The following SLC25A21 variants were observed in gnomAD, a reference collection of about 807,000 sequenced individuals.
SLC25A21 encodes solute carrier family 25 member 21, also known as mitochondrial 2-oxodicarboxylate carrier.
SLC25A21 carries 47 observed loss-of-function variants against 43.8 expected under a neutral mutation model. The observed-to-expected ratio is 1.07, with a 90% CI of 0.85 to 1.37. SLC25A21 has a LOEUF of 1.37. Ranked by LOEUF, SLC25A21 falls within the 40% of genes most tolerant of loss-of-function variation. The pLI, the probability that SLC25A21 is intolerant of heterozygous loss-of-function variation, is 0.00. For missense variants in SLC25A21, 352 were observed against 350.2 expected, an observed-to-expected ratio of 1.00 and a Z score of -0.04; for synonymous variants, 131 against 121.3, an observed-to-expected ratio of 1.08 and a Z score of -0.52.
At chr14:36,885,246 C>A (rs1245863311) in intron 1 of SLC25A21, among the ~76,000 whole-genome samples, 4 of 152,144 alleles carry the variant, frequency 2.6e-5, no homozygotes, top group Admixed American at 2.6e-4. Flanking sequence ...ATGTTCCTGG[C>A]ACCTTTGTGG....
chr14:36,879,712 T>C (rs976469466), intron 1 of SLC25A21, among the ~76,000 whole-genome samples: 2 of 152,008 alleles, frequency 1.3e-5, no homozygotes, highest in Admixed American at 6.6e-5. Context: ...CCAGACTTCA[T>C]CTTTTCTGAG....
intron 3 of SLC25A21, among the ~76,000 whole-genome samples, chr14:36,775,200 T>C (rs1301046531): frequency 6.6e-6 from 1 of 152,188 alleles, no homozygotes; most frequent in Admixed American, 6.5e-5. Context: ...AAGAAGTATG[T>C]TCGCTTTACT....
At chr14:36,933,471 A>G (rs982684981) in intron 1 of SLC25A21, among the ~76,000 whole-genome samples, 1 of 151,754 alleles carries the variant, frequency 6.6e-6, no homozygotes, top group African/African-American at 2.4e-5. Context: ...TGAGAGGTCA[A>G]CTGTGATGAA....
At chr14:36,741,817 G>A (rs1040573873) in intron 3 of SLC25A21, among the ~76,000 whole-genome samples, 1 of 152,290 alleles carries the variant, frequency 6.6e-6, no homozygotes, top group Non-Finnish European at 1.5e-5. Flanking sequence ...GAGCGACAGG[G>A]AAAGTGACAC....
At chr14:37,127,044 C>G (rs1485715618) in intron 1 of SLC25A21, among the ~76,000 whole-genome samples, 1 of 152,162 alleles carries the variant, frequency 6.6e-6, no homozygotes, top group Non-Finnish European at 1.5e-5. Context: ...TGCCCATCCC[C>G]AGCCTGGTTC....
chr14:36,866,241 G>A (rs1890210365), intron 2 of SLC25A21, among the ~76,000 whole-genome samples: 1 of 152,128 alleles, frequency 6.6e-6, no homozygotes, highest in South Asian at 2.1e-4. Context: ...CCTCTGACTA[G>A]CTGGAACTAC....
At chr14:36,706,318 T>G (rs932646094) in intron 7 of SLC25A21, among the ~76,000 whole-genome samples, 1 of 152,216 alleles carries the variant, frequency 6.6e-6, no homozygotes, top group African/African-American at 2.4e-5. Flanking sequence ...AAAACAATCT[T>G]ATCAGATAGG....
intron 1 of SLC25A21, among the ~76,000 whole-genome samples, chr14:37,115,490 A>AT (rs1418687105): frequency 1.3e-5 from 2 of 152,196 alleles, no homozygotes; most frequent in African/African-American, 4.8e-5. Flanking sequence ...GAAAACTCTA[A>AT]TTTTTTAATC....
intron 1 of SLC25A21, among the ~76,000 whole-genome samples, chr14:37,029,530 T>G (rs1432530171): frequency 1.3e-5 from 2 of 152,102 alleles, no homozygotes; most frequent in African/African-American, 4.8e-5. Flanking sequence ...AAGGTCAAAC[T>G]CTACTCAGTT....
intron 3 of SLC25A21, among the ~76,000 whole-genome samples, chr14:36,766,618 A>C (rs1189795952): frequency 6.6e-6 from 1 of 152,058 alleles, no homozygotes; most frequent in Admixed American, 6.6e-5. Flanking sequence ...TGCTCTTTGA[A>C]CATGCCCCGT....
chr14:36,999,918 G>A (rs1960451140), intron 1 of SLC25A21, among the ~76,000 whole-genome samples: 1 of 152,046 alleles, frequency 6.6e-6, no homozygotes, highest in African/African-American at 2.4e-5. Flanking sequence ...AAAGAGATTT[G>A]TGTCATCCCC....
chr14:36,950,567 C>G (rs78969841), intron 1 of SLC25A21, among the ~76,000 whole-genome samples: 6,585 of 152,204 alleles, frequency 0.043, 283 homozygotes, highest in Middle Eastern at 0.14. Flanking sequence ...AAATAAATTT[C>G]TGTTATTTAA....
intron 1 of SLC25A21, among the ~76,000 whole-genome samples, chr14:36,919,698 C>A (rs922291907): frequency 4.0e-5 from 6 of 151,686 alleles, no homozygotes; most frequent in South Asian, 2.1e-4. Context: ...CCTGAAATAG[C>A]CACAGGCTGA....
intron 1 of SLC25A21, among the ~76,000 whole-genome samples, chr14:37,112,553 A>G (rs1307258102): frequency 1.3e-5 from 2 of 152,202 alleles, no homozygotes; most frequent in Non-Finnish European, 2.9e-5. Context: ...ATAATTGCCT[A>G]TCCCCAAACT....
intron 2 of SLC25A21, among the ~76,000 whole-genome samples, chr14:36,874,408 T>G (rs1306194227): frequency 6.6e-6 from 1 of 152,220 alleles, no homozygotes; most frequent in African/African-American, 2.4e-5. Flanking sequence ...TTTTGTTATT[T>G]TTCTTTTTTT....
At chr14:36,708,767 T>C (rs1883695522) in intron 7 of SLC25A21, among the ~76,000 whole-genome samples, 1 of 85,064 alleles carries the variant, frequency 1.2e-5, no homozygotes, top group Non-Finnish European at 2.3e-5. Context: ...TTTTTTTTTG[T>C]AGCGATGAGG....
At chr14:36,977,438 A>G (rs1055551415) in intron 1 of SLC25A21, among the ~76,000 whole-genome samples, 2 of 152,200 alleles carry the variant, frequency 1.3e-5, no homozygotes, top group Non-Finnish European at 2.9e-5. Context: ...AATGTTTCCT[A>G]TAACATAAAA....
rs1470673663 is a variant in SLC25A21 at position 37,109,782 on chromosome 14, C to CT, written c.70+62498dup. ...AGATTATATCTTTGGTCCTTTAAAA[C>CT]TTTTTTTTTACATTGCAAAACTGCC... On this transcript the variant is annotated intron_variant, in intron 1 of 9. Coordinates refer to ENST00000331299, the MANE Select transcript of SLC25A21 (RefSeq NM_030631.4). Among the ~76,000 whole-genome samples, 11 of 151,390 alleles carry CT rather than the reference C, an allele frequency of 7.3e-5. No homozygotes were observed. The East Asian group carries it at 1.7e-3, about 24-fold the overall frequency.
intron 1 of SLC25A21, among the ~76,000 whole-genome samples, chr14:37,002,709 T>C (rs1333541515): frequency 1.3e-5 from 2 of 151,834 alleles, no homozygotes; most frequent in Admixed American, 1.3e-4. Context: ...GGTAAAATGA[T>C]TACAAACTGT....
Sources: gnomAD v4.1 joint callset for allele counts (sites outside exome capture counted in the v4.1 genomes callset) on GRCh38, gnomAD v4.1.1 for gene constraint, MANE v1.5 for transcripts, NCBI Gene and HGNC (gene_info 2026-07-23, HGNC 2026-07-21) for gene names.